Variants in GRM8 observed in about 807,000 individuals in gnomAD.
The protein encoded by GRM8 is metabotropic glutamate receptor 8.
In GRM8, 47 loss-of-function variants were observed where a neutral mutation model predicts 87.2. The observed-to-expected ratio is 0.54, with a 90% CI of 0.43 to 0.69. The LOEUF (loss-of-function observed/expected upper bound fraction) is 0.69. GRM8 is among the 30% of genes least tolerant of loss of function. GRM8 has a pLI of 0.00. For missense variants in GRM8, 1,019 were observed against 1,139.2 expected (o/e 0.89, Z 1.52); for synonymous variants, 396 against 404.5 (o/e 0.98, Z 0.25).
chr7:127,248,075 C>A (rs1357361179), intron 1 of GRM8, among the ~76,000 whole-genome samples: 1 of 152,126 alleles, frequency 6.6e-6, no homozygotes, highest in East Asian at 1.9e-4. Context: ...AAAAAAAAAT[C>A]TGATTTAGGA....
chr7:126,786,426 C>T (rs1242792775), intron 6 of GRM8, among the ~76,000 whole-genome samples: 3 of 152,120 alleles, frequency 2.0e-5, no homozygotes, highest in African/African-American at 2.4e-5. Context: ...GCTTTCCTAT[C>T]TAATTTTAAG....
At chr7:126,790,745 A>G (rs1821193489) in intron 6 of GRM8, among the ~76,000 whole-genome samples, 1 of 152,068 alleles carries the variant, frequency 6.6e-6, no homozygotes, top group Non-Finnish European at 1.5e-5. Flanking sequence ...ACATATGATA[A>G]AATCAATCCA....
intron 8 of GRM8, among the ~76,000 whole-genome samples, chr7:126,579,613 T>G (rs544197013): frequency 6.6e-6 from 1 of 152,132 alleles, no homozygotes; most frequent in Non-Finnish European, 1.5e-5. Flanking sequence ...TATAAAGTTT[T>G]TATGAGAAGG....
chr7:126,582,066 GATA>G lies in GRM8; in HGVS notation c.1494+27293_1494+27295del, dbSNP rs1245824136. Among the ~76,000 whole-genome samples the G allele has an allele frequency of 3.3e-5, 5 of 152,226 alleles. No individual in the cohort carries two copies. The East Asian group carries it at 5.8e-4, about 18-fold the overall frequency. ...TAACTTTAAATCACAAGCTAGAAAT[GATA>G]ATATTTAGTGAGGAAGGTATATCAA... On this transcript the variant is annotated intron_variant, in intron 8 of 10. Transcript: ENST00000339582.
Position 127,242,684 on chromosome 7 carries a change from C to A in GRM8, c.510+11G>T. ...TTTCACAATGGTCAGAAAGACAATG[C>A]CTTTACCTACCTTAAAAAGTCTTAA... On this transcript the variant is annotated intron_variant, in intron 2 of 10. Coordinates refer to ENST00000339582, the MANE Select transcript of GRM8 (RefSeq NM_000845.3). The A allele has an allele frequency of 3.1e-6, 5 of 1,609,484 alleles. No individual in the cohort carries two copies. Among genetic ancestry groups the A allele is most frequent in the East Asian group, 2.2e-5 (1 of 44,868 alleles).
chr7:126,883,032 T>C (rs1194656702), intron 6 of GRM8, among the ~76,000 whole-genome samples: 1 of 152,176 alleles, frequency 6.6e-6, no homozygotes, highest in Non-Finnish European at 1.5e-5. Context: ...CAATGAAAAC[T>C]ACAGTTCATG....
At chr7:126,674,778 G>A (rs74868536) in intron 7 of GRM8, among the ~76,000 whole-genome samples, 1,942 of 152,178 alleles carry the variant, frequency 0.013, 51 homozygotes, top group African/African-American at 0.044. Flanking sequence ...GGCAATCACC[G>A]TCAGATTTGT....
At chr7:127,059,903 T>C (rs1256032025) in intron 3 of GRM8, among the ~76,000 whole-genome samples, 2 of 152,204 alleles carry the variant, frequency 1.3e-5, no homozygotes, top group African/African-American at 4.8e-5. Context: ...GGTGTGTACA[T>C]AAAGATGGAT....
chr7:127,240,412 C>A (rs1486309275), intron 2 of GRM8, among the ~76,000 whole-genome samples: 1 of 118,632 alleles, frequency 8.4e-6, no homozygotes, highest in Non-Finnish European at 1.7e-5. Flanking sequence ...TGCAGATTGG[C>A]TGATTCTATG....
At chr7:126,866,140 T>G (rs1798571723) in intron 6 of GRM8, among the ~76,000 whole-genome samples, 1 of 152,234 alleles carries the variant, frequency 6.6e-6, no homozygotes, top group African/African-American at 2.4e-5. Flanking sequence ...AAGTGGTATC[T>G]AATTATGGTT....
At chr7:126,543,190 T>C (rs770094296) in intron 8 of GRM8, among the ~76,000 whole-genome samples, 1 of 152,240 alleles carries the variant, frequency 6.6e-6, no homozygotes, top group Non-Finnish European at 1.5e-5. Flanking sequence ...TACATGATTA[T>C]GTATTTGTTT....
At chr7:126,801,559 G>C (rs544645934) in intron 6 of GRM8, among the ~76,000 whole-genome samples, 45 of 67,810 alleles carry the variant, frequency 6.6e-4, no homozygotes, top group African/African-American at 1.5e-3. Context: ...TATGTGGCTG[G>C]TATTTAATAG....
chr7:126,461,524 T>C (rs181979533), intron 9 of GRM8, among the ~76,000 whole-genome samples: 1 of 151,764 alleles, frequency 6.6e-6, no homozygotes, highest in East Asian at 2.0e-4. Context: ...ATGATAAGGT[T>C]GGACCATCCT....
At chr7:126,530,932 C>A (rs2150844149) in intron 9 of GRM8, among the ~76,000 whole-genome samples, 1 of 152,298 alleles carries the variant, frequency 6.6e-6, no homozygotes, top group African/African-American at 2.4e-5. Context: ...TCTCAGCCTC[C>A]TGAACAGCTT....
chr7:126,844,805 C>T (rs1796573973), intron 6 of GRM8, among the ~76,000 whole-genome samples: 1 of 152,180 alleles, frequency 6.6e-6, no homozygotes, highest in African/African-American at 2.4e-5. Context: ...TACTCTTCTT[C>T]TTATAAAGCC....
intron 3 of GRM8, among the ~76,000 whole-genome samples, chr7:126,947,412 C>A (rs1484614771): frequency 2.0e-5 from 3 of 152,176 alleles, no homozygotes; most frequent in Non-Finnish European, 4.4e-5. Context: ...CTTGGTGCAG[C>A]AGAAGGGTAC....
chr7:126,507,387 A>G (rs190595783), intron 9 of GRM8, among the ~76,000 whole-genome samples: 3 of 152,210 alleles, frequency 2.0e-5, no homozygotes, highest in Non-Finnish European at 1.5e-5. Flanking sequence ...TTATGGTGTC[A>G]GTGTGAGGAT....
At chr7:127,139,089 T>A (rs1828110476) in intron 2 of GRM8, among the ~76,000 whole-genome samples, 1 of 152,126 alleles carries the variant, frequency 6.6e-6, no homozygotes, top group Non-Finnish European at 1.5e-5. Context: ...GTGTCTGACC[T>A]CTGAGCCCAC....
At chr7:126,512,764 A>G (rs1180961725) in intron 9 of GRM8, 4 of 152,130 alleles carry the variant, frequency 2.6e-5, no homozygotes, top group Non-Finnish European at 5.9e-5. Flanking sequence ...TAGTGCTGAG[A>G]TGAATGACTT....
Sources: gnomAD v4.1 joint callset for allele counts (sites outside exome capture counted in the v4.1 genomes callset) on GRCh38, gnomAD v4.1.1 for gene constraint, MANE v1.5 for transcripts, NCBI Gene and HGNC (gene_info 2026-07-23, HGNC 2026-07-21) for gene names.